The following TCF7L1 variants were observed in gnomAD, a reference collection of about 807,000 sequenced individuals.
TCF7L1 encodes transcription factor 7 like 1.
In TCF7L1, 18 loss-of-function variants were observed where a neutral mutation model predicts 63.7. That is an observed-to-expected ratio of 0.28 (90% CI 0.20 to 0.42). The LOEUF is 0.42. Ranked by LOEUF, TCF7L1 falls within the 10% of genes least tolerant of loss-of-function variation. The pLI is 1.00. For synonymous variants in TCF7L1, 355 were observed against 340.9 expected, an observed-to-expected ratio of 1.04 and a Z score of -0.46; for missense variants, 654 against 779.3, an observed-to-expected ratio of 0.84 and a Z score of 1.91.
intron 10 of TCF7L1, among the ~76,000 whole-genome samples, chr2:85,307,325 C>T (rs755672754): frequency 6.6e-6 from 1 of 152,112 alleles, no homozygotes; most frequent in Non-Finnish European, 1.5e-5. Flanking sequence ...GACCTGGGAC[C>T]CCTCAGAAAA....
At chr2:85,250,778 A>G (rs1680570100) in intron 3 of TCF7L1, among the ~76,000 whole-genome samples, 1 of 152,050 alleles carries the variant, frequency 6.6e-6, no homozygotes. Flanking sequence ...TTTGTATTAC[A>G]CTATTTTGTG....
chr2:85,308,884 A>T, intron 11 of TCF7L1, 145 bp from the exon 12 acceptor site: 1 of 909,936 alleles, frequency 1.1e-6, no homozygotes, highest in Non-Finnish European at 1.7e-6. Context: ...GCAGTTTCCT[A>T]GTCTTGAAAG....
intron 3 of TCF7L1, among the ~76,000 whole-genome samples, chr2:85,242,031 C>T (rs1573006271): frequency 1.6e-5 from 2 of 128,650 alleles, no homozygotes; most frequent in Admixed American, 7.9e-5. Flanking sequence ...TGCGGGGGGG[C>T]AAGAATAGAT....
chr2:85,204,260 G>A (rs531048835), intron 3 of TCF7L1, among the ~76,000 whole-genome samples: 4 of 138,212 alleles, frequency 2.9e-5, no homozygotes, highest in African/African-American at 1.2e-4. Flanking sequence ...AACACAAAGA[G>A]GATTCTGTTA....
intron 3 of TCF7L1, among the ~76,000 whole-genome samples, chr2:85,142,431 AATGTGT>A (rs1218331448): frequency 2.0e-3 from 68 of 33,956 alleles, no homozygotes; most frequent in African/African-American, 8.6e-3. Flanking sequence ...AAAAAAAAAA[AATGTGT>A]GTGTGTGTGT....
rs1450868067 is a variant in TCF7L1, at chr2:85,262,201, C to T, written c.442-21294C>T. 8.2e-5 allele frequency: 45 copies of T among 549,594 alleles called. 1 individual carries two copies. The highest frequency in any genetic ancestry group is 6.1e-4 in the South Asian group (44 of 72,624). 34.0% of individuals were successfully genotyped at this position (549,594 alleles called of 1,614,324 possible). On this transcript the variant is annotated intron_variant, in intron 3 of 11. Coordinates refer to ENST00000282111, the MANE Select transcript of TCF7L1 (RefSeq NM_031283.3). ...ATACAGCCTTCTGTCCGCATATTCA[C>T]TTGCTCATAGAGCCACACCTGAATC...
chr2:85,214,790 T>C (rs1679655591), intron 3 of TCF7L1, among the ~76,000 whole-genome samples: 1 of 152,198 alleles, frequency 6.6e-6, no homozygotes, highest in Non-Finnish European at 1.5e-5. Flanking sequence ...TACATTTTAC[T>C]GTATATATGC....
chr2:85,140,674 C>T (rs1677707133), intron 3 of TCF7L1, among the ~76,000 whole-genome samples: 1 of 152,118 alleles, frequency 6.6e-6, no homozygotes. Context: ...GTGGCAGGTG[C>T]CTGTAATCCC....
chr2:85,295,004 A>C (rs1279207874), intron 4 of TCF7L1, among the ~76,000 whole-genome samples: 2 of 152,132 alleles, frequency 1.3e-5, no homozygotes, highest in East Asian at 3.9e-4. Context: ...ACTGCACTCC[A>C]GCCTGGGTGA....
At chr2:85,262,434 C>T (rs1215388407) in intron 3 of TCF7L1, among the ~76,000 whole-genome samples, 1 of 151,930 alleles carries the variant, frequency 6.6e-6, no homozygotes, top group Admixed American at 6.6e-5. Flanking sequence ...AGGCTTAGGG[C>T]TTCCTCCCCT....
rs1309320461 is a variant in TCF7L1, at chr2:85,195,621, A to AC, written c.441+61172dup. Among the ~76,000 whole-genome samples, 5 of 151,914 alleles carry AC rather than the reference A, an allele frequency of 3.3e-5. No individual in the cohort carries two copies. The East Asian group carries it at 9.7e-4, about 29-fold the overall frequency. ...GAGTGCAGTGATGGGATCATGGCTC[A>AC]CTGCAGCCTCAACCTCCCAGGCTCA... On this transcript the variant is annotated intron_variant, in intron 3 of 11. Transcript: ENST00000282111.
At chr2:85,218,046 C>T (rs1679750839) in intron 3 of TCF7L1, among the ~76,000 whole-genome samples, 1 of 152,040 alleles carries the variant, frequency 6.6e-6, no homozygotes, top group Non-Finnish European at 1.5e-5. Flanking sequence ...TTCTCCCGTG[C>T]CTAGAAGAAT....
chr2:85,301,128 T>C lies in TCF7L1; in HGVS notation c.526-1356T>C, dbSNP rs182617491. 2.9e-4 allele frequency among the ~76,000 whole-genome samples: 43 copies of C among 148,290 alleles called. 1 individual carries two copies. Among genetic ancestry groups the C allele is most frequent in the African/African-American group, 1.0e-3 (40 of 39,996 alleles). On this transcript the variant is annotated intron_variant, in intron 4 of 11. Coordinates refer to ENST00000282111, the MANE Select transcript of TCF7L1 (RefSeq NM_031283.3). ...CTCTTCTCCACTTGTAACTCACTTATCTTATTATCAAAAAACATAATTTCT... is the reference window on the plus strand; with the variant it reads ...CTCTTCTCCACTTGTAACTCACTTACCTTATTATCAAAAAACATAATTTCT...
intron 3 of TCF7L1, among the ~76,000 whole-genome samples, chr2:85,279,454 G>T (rs570163270): frequency 1.3e-3 from 201 of 152,238 alleles, no homozygotes; most frequent in Non-Finnish European, 1.9e-3. Context: ...CTCTAGTTGG[G>T]CTAGGCCTGA....
At chr2:85,308,472 TCTC>T (rs1462532969) in intron 11 of TCF7L1, among the ~76,000 whole-genome samples, 38 of 36,100 alleles carry the variant, frequency 1.1e-3, no homozygotes, top group South Asian at 2.4e-3. Flanking sequence ...TTTCCCTCCC[TCTC>T]CCCCTCCTTC....
chr2:85,220,309 A>C (rs188652183), intron 3 of TCF7L1, among the ~76,000 whole-genome samples: 3 of 151,990 alleles, frequency 2.0e-5, no homozygotes, highest in East Asian at 1.9e-4. Flanking sequence ...ATGATAAGCT[A>C]TTCAATCTGG....
chr2:85,211,222 A>G (rs1028645607), intron 3 of TCF7L1, among the ~76,000 whole-genome samples: 4 of 128,272 alleles, frequency 3.1e-5, no homozygotes, highest in African/African-American at 1.1e-4. Flanking sequence ...ACTCCTCCTT[A>G]TTAATAAATT....
At chr2:85,294,188 C>A (rs899448812) in intron 4 of TCF7L1, among the ~76,000 whole-genome samples, 2 of 151,962 alleles carry the variant, frequency 1.3e-5, no homozygotes, top group African/African-American at 4.8e-5. Context: ...AGGCACCCGC[C>A]ACCACGCCCG....
chr2:85,146,626 T>C (rs1808640), intron 3 of TCF7L1, among the ~76,000 whole-genome samples: 101,433 of 150,996 alleles, frequency 0.67, 34,265 homozygotes, highest in East Asian at 0.91. Context: ...CTCAGCCTCC[T>C]GAGTAGCTGG....
Sources: allele counts gnomAD v4.1 joint callset (sites outside exome capture counted in the v4.1 genomes callset), GRCh38; gene constraint gnomAD v4.1.1; transcripts MANE v1.5; gene names NCBI Gene and HGNC (gene_info 2026-07-23, HGNC 2026-07-21).